Variants in CRB1 observed in about 807,000 individuals in gnomAD.
The protein encoded by CRB1 is crumbs cell polarity complex component 1, also known as protein crumbs homolog 1.
Under a neutral mutation model 120.0 loss-of-function variants are expected in CRB1, and 83 were observed. The ratio of observed to expected loss-of-function variants is 0.69; its 90% CI spans 0.58 to 0.83. CRB1 has a LOEUF of 0.83. CRB1 is among the 40% of genes least tolerant of loss of function. The pLI is 0.00. For missense variants in CRB1, 1,699 were observed against 1,687.6 expected (o/e 1.01, Z -0.12); for synonymous variants, 625 against 612.5 (o/e 1.02, Z -0.30).
intron 5 of CRB1, among the ~76,000 whole-genome samples, chr1:197,400,367 A>C (rs1663000312): frequency 1.3e-5 from 2 of 148,926 alleles, no homozygotes; most frequent in South Asian, 4.2e-4. Flanking sequence ...GCTGGAGAGC[A>C]GTGGCGCAAT....
intron 11 of CRB1, 175 bp downstream of exon 11, chr1:197,442,467 G>A: frequency 6.5e-7 from 1 of 1,527,794 alleles, no homozygotes; most frequent in Non-Finnish European, 8.7e-7. Context: ...TGAATTTCAA[G>A]AAATGCCTTG....
intron 5 of CRB1, among the ~76,000 whole-genome samples, chr1:197,409,220 G>A (rs777855205): frequency 5.3e-5 from 8 of 152,120 alleles, no homozygotes; most frequent in African/African-American, 1.2e-4. Context: ...CATGCTATAC[G>A]CTGTACACAC....
In CRB1 at chr1:197,288,550, A is replaced by G. The variant is rs182235489; in HGVS notation, c.70+20068A>G. Among the ~76,000 whole-genome samples the G allele has an allele frequency of 3.3e-3, 506 of 151,982 alleles. 2 individuals are homozygous for G. Among genetic ancestry groups the G allele is most frequent in the African/African-American group, 0.012 (493 of 41,524 alleles). On this transcript the variant is annotated intron_variant, in intron 1 of 11. Transcript: ENST00000367400. ...CAAAACAGATCATAAATTGATCCAG[A>G]TGTTAGAATTACCAGATAAGGGCAC...
chr1:197,428,094 A>G, intron 7 of CRB1, 93 bp downstream of exon 7: 3 of 1,178,614 alleles, frequency 2.5e-6, no homozygotes, highest in South Asian at 1.3e-5. Flanking sequence ...TTTGTATATA[A>G]AGATGATGTT....
At chr1:197,466,152 C>A (rs186697975) in intron 11 of CRB1, among the ~76,000 whole-genome samples, 1 of 152,248 alleles carries the variant, frequency 6.6e-6, no homozygotes, top group Admixed American at 6.5e-5. Context: ...GGCACTGCTA[C>A]CATCTGGGGT....
intron 5 of CRB1, among the ~76,000 whole-genome samples, chr1:197,365,024 A>G (rs1295730812): frequency 7.0e-6 from 1 of 142,534 alleles, no homozygotes; most frequent in Non-Finnish European, 1.6e-5. Flanking sequence ...TTAGCAGACA[A>G]TCACCTTTTT....
chr1:197,277,837 A>G (rs1388767843), intron 1 of CRB1, among the ~76,000 whole-genome samples: 1 of 151,876 alleles, frequency 6.6e-6, no homozygotes, highest in African/African-American at 2.4e-5. Flanking sequence ...TCTAATTACC[A>G]CGTTTTTTCA....
chr1:197,358,938 G>C (rs76099550), intron 5 of CRB1, among the ~76,000 whole-genome samples: 2,456 of 152,214 alleles, frequency 0.016, 72 homozygotes, highest in African/African-American at 0.056. Flanking sequence ...CTGGTACACT[G>C]GGGATACGAA....
chr1:197,275,210 T>G (rs1655134944), intron 1 of CRB1, among the ~76,000 whole-genome samples: 1 of 152,038 alleles, frequency 6.6e-6, no homozygotes, highest in African/African-American at 2.4e-5. Flanking sequence ...TTAACTTGAT[T>G]ACATCTGCAA....
chr1:197,421,259 G>C lies in CRB1; in HGVS notation c.1431G>C (p.Gly477=). The C allele has an allele frequency of 6.2e-7, 1 of 1,614,162 alleles. No homozygotes were observed. Among genetic ancestry groups the C allele is most frequent in the South Asian group, 1.1e-5 (1 of 91,082 alleles). The change falls in exon 6 of 12, where the codon GGG becomes GGC. Residue 477 remains glycine, a synonymous_variant. Coordinates refer to ENST00000367400, the MANE Select transcript of CRB1 (RefSeq NM_201253.3). ...GCCTATGTCCATCTGGCTACACCGGGTCCCTGTGTGAAATCGCAACCACAC... is the reference window on the plus strand; with the variant it reads ...GCCTATGTCCATCTGGCTACACCGGCTCCCTGTGTGAAATCGCAACCACAC... The part of the protein sequence containing the change: ...FSCLCPSGYT[G]SLCEIATTLS...
At chr1:197,399,372 A>T (rs1465030249) in intron 5 of CRB1, among the ~76,000 whole-genome samples, 2 of 152,168 alleles carry the variant, frequency 1.3e-5, no homozygotes, top group East Asian at 3.9e-4. Flanking sequence ...GCTTATAGGA[A>T]ATAGTCAAAT....
chr1:197,252,580 A>ATGTGTG, the CRB1 span, among the ~76,000 whole-genome samples: 169 of 22,300 alleles, frequency 7.6e-3, no homozygotes, highest in Middle Eastern at 0.033. Context: ...ATATATATAT[A>ATGTGTG]TATGTGTGTG....
At chr1:197,212,935 A>C in the CRB1 span, among the ~76,000 whole-genome samples, 4 of 152,204 alleles carry the variant, frequency 2.6e-5, no homozygotes, top group African/African-American at 9.6e-5. Context: ...GAATGGATAA[A>C]GAGGTGAACA....
rs192709064 is a variant in CRB1, at chr1:197,438,150, T to C, written c.3750-397T>C. On this transcript the variant is annotated intron_variant, in intron 9 of 11. Coordinates refer to ENST00000367400, the MANE Select transcript of CRB1 (RefSeq NM_201253.3). The stretch of plus-strand genomic sequence containing the variant: ...TAGAGAAATCACATGAGTGCTTGGG[T>C]AGTAGAGTGCTGTCCTTGCTTCCTG... 1.1e-4 allele frequency: 30 copies of C among 271,390 alleles called. 1 individual carries two copies. The East Asian group carries it at 2.7e-3, about 25-fold the overall frequency. The allele number at this position is 271,390 out of a possible 1,614,324, so 16.8% of individuals were successfully genotyped here. A position where few individuals can be genotyped will look rare whatever the true frequency, so the allele number is the denominator to read the frequency against.
chr1:197,356,778 T>A lies in CRB1; in HGVS notation c.989-53T>A, dbSNP rs2786098. The A allele has an allele frequency of 2.8e-5, 44 of 1,584,336 alleles. No individual in the cohort carries two copies. In the African/African-American group the frequency reaches 3.6e-4, roughly 13 times the overall value. Reference sequence around the variant, plus strand: ...AGTCAACCTCCTTTTAGGCAAATGCTCTATAATTCAACACCTTTGACTTAG... The same window carrying A: ...AGTCAACCTCCTTTTAGGCAAATGCACTATAATTCAACACCTTTGACTTAG... On this transcript the variant is annotated intron_variant, in intron 4 of 11. Coordinates refer to ENST00000367400, the MANE Select transcript of CRB1 (RefSeq NM_201253.3).
chr1:197,252,572 ATATATATATATG>A, the CRB1 span, among the ~76,000 whole-genome samples: 397 of 48,504 alleles, frequency 8.2e-3, 1 homozygote, highest in African/African-American at 0.024. Flanking sequence ...ATATATATAT[ATATATATATATG>A]TGTGTGTGTG....
At chr1:197,306,149 A>G (rs1345096760) in intron 1 of CRB1, among the ~76,000 whole-genome samples, 1 of 152,138 alleles carries the variant, frequency 6.6e-6, no homozygotes, top group East Asian at 1.9e-4. Context: ...ACATACAAGA[A>G]CATGTTTCAG....
At chr1:197,315,600 A>G (rs1657792044) in intron 1 of CRB1, among the ~76,000 whole-genome samples, 1 of 152,264 alleles carries the variant, frequency 6.6e-6, no homozygotes, top group Admixed American at 6.5e-5. Context: ...GTGAAATTAT[A>G]CTTCATGAAT....
intron 5 of CRB1, among the ~76,000 whole-genome samples, chr1:197,383,599 C>T (rs1184464626): frequency 1.3e-5 from 2 of 152,170 alleles, no homozygotes; most frequent in Non-Finnish European, 2.9e-5. Flanking sequence ...TGTCTTTTGA[C>T]AACCTGATAT....
Sources: gnomAD v4.1 joint callset for allele counts (sites outside exome capture counted in the v4.1 genomes callset) on GRCh38, gnomAD v4.1.1 for gene constraint, MANE v1.5 for transcripts, NCBI Gene and HGNC (gene_info 2026-07-23, HGNC 2026-07-21) for gene names.